Variants in RIMS2 observed in about 807,000 individuals in gnomAD.
The protein encoded by RIMS2 is regulating synaptic membrane exocytosis 2.
RIMS2 carries 59 observed loss-of-function variants against 174.4 expected under a neutral mutation model. The ratio of observed to expected loss-of-function variants is 0.34; its 90% confidence interval spans 0.27 to 0.42. The LOEUF (loss-of-function observed/expected upper bound fraction) is 0.42, where lower values mean the gene tolerates loss of function less well. Among genes scored for constraint, RIMS2 ranks in the 10% least tolerant of loss-of-function variants. The probability of loss-of-function intolerance (pLI) is 1.00; values close to 1 mark genes in which losing one functional copy is unlikely to be tolerated. For synonymous variants in RIMS2, 606 were observed against 572.5 expected, an observed-to-expected ratio of 1.06 and a Z score of -0.84; for missense variants, 1,620 against 1,666.3, an observed-to-expected ratio of 0.97 and a Z score of 0.48.
At chr8:103,835,659 A>G (rs1008867802) in intron 3 of RIMS2, among the ~76,000 whole-genome samples, 1 of 152,258 alleles carries the variant, frequency 6.6e-6, no homozygotes, top group East Asian at 1.9e-4. Context: ...GTTCTTTTAT[A>G]TTTTAAGTTG....
chr8:104,035,160 A>G (rs573739670), intron 19 of RIMS2, among the ~76,000 whole-genome samples: 30 of 152,262 alleles, frequency 2.0e-4, no homozygotes, highest in Non-Finnish European at 1.5e-5. Flanking sequence ...AAGTTATGCT[A>G]CATCTAGGAA....
At chr8:103,876,388 T>A (rs530129266) in intron 3 of RIMS2, among the ~76,000 whole-genome samples, 184 of 151,514 alleles carry the variant, frequency 1.2e-3, no homozygotes, top group South Asian at 0.011. Context: ...GGTTTTTTTT[T>A]AAATCCAAAC....
chr8:103,961,258 G>GA, intron 15 of RIMS2, 125 bp downstream of exon 17: 1 of 606,938 alleles, frequency 1.6e-6, no homozygotes, highest in Admixed American at 2.9e-5. Flanking sequence ...AACAGCCTAT[G>GA]GCAACCTATG....
At chr8:103,610,949 G>T (rs1294798229) in intron 1 of RIMS2, among the ~76,000 whole-genome samples, 1 of 152,060 alleles carries the variant, frequency 6.6e-6, no homozygotes. Flanking sequence ...AATCCTTCTG[G>T]GCCTGGGCTT....
intron 2 of RIMS2, among the ~76,000 whole-genome samples, chr8:103,735,414 T>A (rs947086580): frequency 3.3e-5 from 5 of 152,112 alleles, no homozygotes; most frequent in Admixed American, 6.6e-5. Context: ...TCCTTTTTGG[T>A]GTTTTTATTT....
intron 17 of RIMS2, among the ~76,000 whole-genome samples, chr8:103,992,208 A>C (rs1374464872): frequency 1.3e-5 from 2 of 151,710 alleles, no homozygotes; most frequent in African/African-American, 4.8e-5. Flanking sequence ...TCCCAGGTTC[A>C]AGCGATTCTC....
intron 1 of RIMS2, among the ~76,000 whole-genome samples, chr8:103,686,303 T>C (rs2096939548): frequency 6.6e-6 from 1 of 152,180 alleles, no homozygotes; most frequent in African/African-American, 2.4e-5. Context: ...CTTTCTAATC[T>C]GTAAGCTTTT....
At position 103,782,433 on chromosome 8, in the gene RIMS2, C is replaced by CGTGTGTGTGT. The variant is rs71297237; in HGVS notation, c.698+15921_698+15930dup. ...AAATGCTATCATGATACATAAATCC[C>CGTGTGTGTGT]GTGTGTGTGTGTGTGTGTGTGTGTG... On this transcript the variant is annotated intron_variant, in intron 3 of 23. Coordinates refer to ENST00000504942, the Ensembl canonical transcript of RIMS2. Among the ~76,000 whole-genome samples, 225 of 145,828 alleles carry CGTGTGTGTGT rather than the reference C, an allele frequency of 1.5e-3. 1 individual carries two copies. Among genetic ancestry groups the CGTGTGTGTGT allele is most frequent in the African/African-American group, 5.2e-3 (207 of 39,642 alleles).
Position 103,565,161 on chromosome 8 carries a change from C to T in RIMS2, c.176+64099C>T, listed in dbSNP as rs566154792. On this transcript the variant is annotated intron_variant, in intron 1 of 23. Transcript: ENST00000504942. ...CCTAGGAACTACATAGCACCTGTGC[C>T]CTGGTTAGTGACAGAATGAATAGTC... Among the ~76,000 whole-genome samples the T allele has an allele frequency of 1.8e-4, 28 of 152,212 alleles. 2 individuals carry two copies. In the South Asian group the frequency reaches 5.8e-3, roughly 32 times the overall value.
intron 2 of RIMS2, among the ~76,000 whole-genome samples, chr8:103,749,208 T>G (rs2139649295): frequency 6.6e-6 from 1 of 151,910 alleles, no homozygotes; most frequent in Non-Finnish European, 1.5e-5. Context: ...GCCTCCCAGG[T>G]TCATGCCATT....
In RIMS2 at chr8:103,978,640, G is replaced by T. The variant is rs190729890; in HGVS notation, c.2927+3134G>T. ...TTATAAAAACTAATAAAAATACCTG[G>T]GTATAATGATCATGGACAAATTTGT... On this transcript the variant is annotated intron_variant, in intron 16 of 23. Transcript: ENST00000504942. Among the ~76,000 whole-genome samples, 295 of 152,224 alleles carry T rather than the reference G, an allele frequency of 1.9e-3. 2 individuals carry two copies. Among genetic ancestry groups the T allele is most frequent in the African/African-American group, 6.9e-3 (287 of 41,528 alleles).
intron 1 of RIMS2, among the ~76,000 whole-genome samples, chr8:103,587,017 A>G (rs2093958746): frequency 6.6e-6 from 1 of 152,060 alleles, no homozygotes; most frequent in Admixed American, 6.6e-5. Context: ...AAATTTTCCA[A>G]TCAAAAGTAT....
intron 19 of RIMS2, among the ~76,000 whole-genome samples, chr8:104,063,843 G>C (rs2097052781): frequency 1.3e-5 from 2 of 152,234 alleles, no homozygotes; most frequent in South Asian, 4.1e-4. Context: ...TTATGAAATT[G>C]CTCTAGGACT....
intron 1 of RIMS2, among the ~76,000 whole-genome samples, chr8:103,536,791 C>A (rs1453802647): frequency 6.6e-6 from 1 of 152,222 alleles, no homozygotes; most frequent in Non-Finnish European, 1.5e-5. Flanking sequence ...AGGTCCCACC[C>A]TCCAACACTG....
At chr8:104,214,315 T>C (rs2099119968) in intron 19 of RIMS2, among the ~76,000 whole-genome samples, 1 of 152,240 alleles carries the variant, frequency 6.6e-6, no homozygotes, top group African/African-American at 2.4e-5. Context: ...ACTCACCTTA[T>C]TGTGGATGTA....
At chr8:104,005,809 A>G (rs1352095133) in intron 17 of RIMS2, among the ~76,000 whole-genome samples, 4 of 152,088 alleles carry the variant, frequency 2.6e-5, no homozygotes, top group Non-Finnish European at 4.4e-5. Flanking sequence ...AGAGGCAATG[A>G]TGGTCCTTTG....
chr8:104,166,663 C>A (rs1337624388), intron 19 of RIMS2, among the ~76,000 whole-genome samples: 1 of 151,598 alleles, frequency 6.6e-6, no homozygotes, highest in Admixed American at 6.6e-5. Context: ...ATATTCAAGA[C>A]CTCAAGCATA....
At chr8:104,082,528 C>T (rs2097442905) in intron 19 of RIMS2, among the ~76,000 whole-genome samples, 1 of 151,972 alleles carries the variant, frequency 6.6e-6, no homozygotes, top group South Asian at 2.1e-4. Flanking sequence ...TGAGCACAAG[C>T]CATGTTTAAG....
Position 104,176,693 on chromosome 8 carries a change from A to G in RIMS2, c.3335-68223A>G, listed in dbSNP as rs1231179275. ...ATCATATATTTTCATATCATTATAT[A>G]TGAATATATAATCATATATTTTCAT... On this transcript the variant is annotated intron_variant, in intron 19 of 23. Coordinates refer to ENST00000504942, the Ensembl canonical transcript of RIMS2. 2.0e-5 allele frequency among the ~76,000 whole-genome samples: 3 copies of G among 151,328 alleles called. No individual in the cohort carries two copies. The South Asian group carries it at 6.2e-4, about 31-fold the overall frequency.
Sources: allele counts gnomAD v4.1 joint callset (sites outside exome capture counted in the v4.1 genomes callset), GRCh38; gene constraint gnomAD v4.1.1; transcripts MANE v1.5; gene names NCBI Gene and HGNC (gene_info 2026-07-23, HGNC 2026-07-21).